The following CAMSAP2 variants were observed in gnomAD, a reference collection of about 807,000 sequenced individuals.
CAMSAP2 encodes calmodulin regulated spectrin associated protein family member 2, also known as calmodulin-regulated spectrin-associated protein 2.
Under a neutral mutation model 146.1 loss-of-function variants are expected in CAMSAP2, and 26 were observed. The observed-to-expected ratio is 0.18, with a 90% CI of 0.13 to 0.25. CAMSAP2 has a LOEUF of 0.25. Ranked by LOEUF, CAMSAP2 falls within the 10% of genes least tolerant of loss-of-function variation. CAMSAP2 has a pLI of 1.00. For synonymous variants in CAMSAP2, 499 were observed against 596.6 expected, an observed-to-expected ratio of 0.84 and a Z score of 2.38; for missense variants, 1,381 against 1,759.3, an observed-to-expected ratio of 0.78 and a Z score of 3.85.
chr1:200,850,296 A>ATT, intron 11 of CAMSAP2, 62 bp downstream of exon 11: 7 of 1,333,742 alleles, frequency 5.2e-6, no homozygotes, highest in South Asian at 1.7e-5. Context: ...TGTGTTGGAT[A>ATT]TTTTTTTTTT....
At position 200,847,315 on chromosome 1, in the gene CAMSAP2, G is replaced by C. The variant is rs374166296; in HGVS notation, c.1192+23G>C. 7.6e-5 allele frequency: 115 copies of C among 1,509,826 alleles called. No homozygotes were observed. The African/African-American group carries it at 1.5e-3, about 20-fold the overall frequency. The allele number at this position is 1,509,826 out of a possible 1,614,324, so 93.5% of individuals were successfully genotyped here. ...CAGGTAATATATTTGAAAAAGCCTA[G>C]GAAAATACTCTTTTAAGTAGGTTAC... On this transcript the variant is annotated intron_variant, in intron 9 of 16. Transcript: ENST00000358823.
chr1:200,816,890 ATGTGTGTACACACACACGCGTGTGTATG>A (rs1666549724), intron 4 of CAMSAP2, among the ~76,000 whole-genome samples: 1 of 66,356 alleles, frequency 1.5e-5, no homozygotes, highest in African/African-American at 6.8e-5. Flanking sequence ...ACGCGTGTGT[ATGTGTGTACACACACACGCGTGTGTATG>A]TGTGTACACA....
chr1:200,847,577 T>C, intron 9 of CAMSAP2, 63 bp from the exon 10 acceptor site: 1 of 1,252,406 alleles, frequency 8.0e-7, no homozygotes, highest in Non-Finnish European at 1.2e-6. Context: ...TGAAATCTCC[T>C]AAGTTGCTAT....
rs6674599 is a variant in CAMSAP2 at position 200,849,852 on chromosome 1, C to G, written c.3083C>G (p.Pro1028Arg). 15,534 of 1,614,056 alleles carry G rather than the reference C, an allele frequency of 9.6e-3. 109 individuals are homozygous for G. The highest frequency in any genetic ancestry group is 0.022 in the Middle Eastern group (132 of 6,062). ...SFVCFGDDGE[P>R]QLKESKPKEE... ...GTATGTTTTGGGGATGATGGAGAAC[C>G]TCAGTTAAAGGAATCCAAACCTAAA... Residue 1028 changes from proline (P) to arginine (R), a missense_variant, in exon 11 of 17, where the codon CCT becomes CGT. Pro to Arg is a moderately radical substitution (Grantham distance 103). Transcript: ENST00000358823. The surrounding 1 kb of genome is among the most constrained non-coding windows in gnomAD (Gnocchi z 6.3).
intron 2 of CAMSAP2, among the ~76,000 whole-genome samples, chr1:200,786,803 T>C (rs1247162445): frequency 6.6e-6 from 1 of 152,210 alleles, no homozygotes; most frequent in East Asian, 1.9e-4. Context: ...ACAGGTTGAC[T>C]GTTTTGTTAT....
chr1:200,850,303 T>C, intron 11 of CAMSAP2, 69 bp downstream of exon 11: 1 of 1,387,964 alleles, frequency 7.2e-7, no homozygotes. Context: ...GATATTTTTT[T>C]TTTCAGTTGA....
chr1:200,830,523 T>C (rs962068055), intron 4 of CAMSAP2, among the ~76,000 whole-genome samples: 34 of 152,290 alleles, frequency 2.2e-4, no homozygotes, highest in African/African-American at 8.2e-4. Context: ...ACTGTTTTTA[T>C]CCCAGATAAC....
At chr1:200,812,657 A>G (rs1045008426) in intron 3 of CAMSAP2, among the ~76,000 whole-genome samples, 4 of 152,244 alleles carry the variant, frequency 2.6e-5, no homozygotes. Context: ...AACCTACCAA[A>G]GAAAAATGGC....
chr1:200,745,004 T>G (rs1356078083), intron 1 of CAMSAP2, among the ~76,000 whole-genome samples: 2 of 152,160 alleles, frequency 1.3e-5, no homozygotes. Context: ...AAAATACTAT[T>G]AAGTATATTA....
chr1:200,774,979 A>T (rs1399412373), intron 2 of CAMSAP2, among the ~76,000 whole-genome samples: 1 of 152,202 alleles, frequency 6.6e-6, no homozygotes, highest in Non-Finnish European at 1.5e-5. Flanking sequence ...GCTTTCATGG[A>T]GCTACTATTT....
intron 4 of CAMSAP2, among the ~76,000 whole-genome samples, chr1:200,815,944 T>C (rs1309233481): frequency 6.6e-6 from 1 of 152,252 alleles, no homozygotes; most frequent in East Asian, 1.9e-4. Context: ...GAAACAATTT[T>C]AAATGTTCAG....
Position 200,853,526 on chromosome 1 carries a change from A to G in CAMSAP2, c.3823+31A>G. 1 of 1,502,872 alleles carries G rather than the reference A, an allele frequency of 6.7e-7. No individual in the cohort carries two copies. The highest frequency in any genetic ancestry group is 9.2e-7 in the Non-Finnish European group (1 of 1,087,542). The allele number at this position is 1,502,872 out of a possible 1,614,324, so 93.1% of individuals were successfully genotyped here. ...ATAGCTTATTATGAAGAGTCTGTTCATAAAAAACACCAGCTTGATTGGTTT... is the reference window on the plus strand; with the variant it reads ...ATAGCTTATTATGAAGAGTCTGTTCGTAAAAAACACCAGCTTGATTGGTTT... On this transcript the variant is annotated intron_variant, in intron 13 of 16. Transcript: ENST00000358823. This position sits in a 1 kb window ranked among gnomAD's most constrained non-coding sequence, Gnocchi z 5.1.
rs1667560570 is a variant in CAMSAP2, at chr1:200,849,592, GTCA to G, written c.2827_2829del (p.Ser943del). Reference sequence around the variant, plus strand: ...TTAAGCCTTCTAAGCAGGCAGGCCTGTCATCAGCCATTGCACCATTCTCCTCAG... The same window carrying G: ...TTAAGCCTTCTAAGCAGGCAGGCCTGTCAGCCATTGCACCATTCTCCTCAG... On this transcript the variant is annotated inframe_deletion, in exon 11 of 17. Transcript: ENST00000358823. The surrounding 1 kb of genome is among the most constrained non-coding windows in gnomAD (Gnocchi z 6.3). 6.2e-7 allele frequency: 1 copy of G among 1,614,166 alleles called. No individual in the cohort carries two copies. Among genetic ancestry groups the G allele is most frequent in the Non-Finnish European group, 8.5e-7 (1 of 1,180,034 alleles).
intron 1 of CAMSAP2, among the ~76,000 whole-genome samples, chr1:200,760,277 A>G (rs1322637343): frequency 1.3e-5 from 2 of 152,190 alleles, no homozygotes; most frequent in African/African-American, 4.8e-5. Flanking sequence ...AACAATTGCT[A>G]TAATTCTTTT....
At chr1:200,814,128 TGGC>T (rs1466285328) in intron 3 of CAMSAP2, among the ~76,000 whole-genome samples, 1 of 7,782 alleles carries the variant, frequency 1.3e-4, no homozygotes, top group Non-Finnish European at 2.3e-4. Flanking sequence ...AAAAAAAAGG[TGGC>T]GGGGGGAGGG....
intron 2 of CAMSAP2, among the ~76,000 whole-genome samples, chr1:200,772,827 T>C (rs967287226): frequency 6.6e-6 from 1 of 152,228 alleles, no homozygotes; most frequent in South Asian, 2.1e-4. Flanking sequence ...TCTTACTTCC[T>C]TGAAGTTTGT....
chr1:200,832,189 T>TTA lies in CAMSAP2; in HGVS notation c.646-7_646-6dup. ...ACTTATTTATTTTCATGTATTTTTT[T>TTA]TATATCGTAGGCTCGTTATCGGAAA... On this transcript the variant is annotated splice_polypyrimidine_tract_variant and intron_variant, in intron 4 of 16. Coordinates refer to ENST00000358823, the MANE Select transcript of CAMSAP2 (RefSeq NM_203459.4). The surrounding 1 kb of genome is among the most constrained non-coding windows in gnomAD (Gnocchi z 4.2). The TTA allele has an allele frequency of 6.3e-7, 1 of 1,587,336 alleles. No homozygotes were observed. Among genetic ancestry groups the TTA allele is most frequent in the Non-Finnish European group, 8.5e-7 (1 of 1,171,470 alleles).
intron 4 of CAMSAP2, among the ~76,000 whole-genome samples, chr1:200,827,940 A>G (rs1666945443): frequency 6.6e-6 from 1 of 152,144 alleles, no homozygotes; most frequent in Non-Finnish European, 1.5e-5. Flanking sequence ...TAGATAGTAA[A>G]TTTAATAACA....
chr1:200,816,453 G>T (rs1308051779), intron 4 of CAMSAP2, among the ~76,000 whole-genome samples: 2 of 148,804 alleles, frequency 1.3e-5, no homozygotes, highest in East Asian at 4.0e-4. Context: ...AATTAGCCAG[G>T]CGTGGTGGCC....
Sources: allele counts gnomAD v4.1 joint callset (sites outside exome capture counted in the v4.1 genomes callset), GRCh38; gene constraint gnomAD v4.1.1; non-coding constraint Gnocchi (gnomAD v3.1); transcripts MANE v1.5; gene names NCBI Gene and HGNC (gene_info 2026-07-23, HGNC 2026-07-21).